SNRPA: variants seen among roughly 807,000 people sequenced by gnomAD.
The protein encoded by SNRPA is U1 small nuclear ribonucleoprotein A.
Under a neutral mutation model 24.5 loss-of-function variants are expected in SNRPA, and 10 were observed. The ratio of observed to expected loss-of-function variants is 0.41; its 90% CI spans 0.25 to 0.69. The LOEUF (loss-of-function observed/expected upper bound fraction) is 0.69, where lower values mean the gene tolerates loss of function less well. SNRPA is among the 30% of genes least tolerant of loss of function. The pLI, the probability that SNRPA is intolerant of heterozygous loss-of-function variation, is 0.33. For synonymous variants in SNRPA, 165 were observed against 148.4 expected, an observed-to-expected ratio of 1.11 and a Z score of -0.81; for missense variants, 283 against 394.7, an observed-to-expected ratio of 0.72 and a Z score of 2.40.
At position 40,765,304 on chromosome 19, in the gene SNRPA, T is replaced by C. The variant is rs1390974986; in HGVS notation, c.*137T>C. On this transcript the variant is annotated 3_prime_UTR_variant, in exon 6 of 6. Transcript: ENST00000243563. ...GTGAGTGAGTGGTCGCCACACAGCA[T>C]TGTACCCAGAGTCTGTCCCCAGACA... 6 of 477,474 alleles carry C rather than the reference T, an allele frequency of 1.3e-5. No individual in the cohort carries two copies. Among genetic ancestry groups the C allele is most frequent in the Non-Finnish European group, 2.2e-5 (6 of 276,330 alleles). The allele number at this position is 477,474 out of a possible 1,614,324, so 29.6% of individuals were successfully genotyped here.
chr19:40,755,706 G>C (rs541625358), intron 1 of SNRPA, among the ~76,000 whole-genome samples: 1 of 152,252 alleles, frequency 6.6e-6, no homozygotes, highest in South Asian at 2.1e-4. Context: ...ATAAGACATT[G>C]GTGCCCTTTG....
chr19:40,761,021 G>A (rs913176790), intron 3 of SNRPA, among the ~76,000 whole-genome samples: 3 of 151,558 alleles, frequency 2.0e-5, no homozygotes, highest in Non-Finnish European at 4.4e-5. Flanking sequence ...GAATGCAGTC[G>A]TGCAATCTCG....
Position 40,759,547 on chromosome 19 carries a change from C to T in SNRPA, c.363C>T (p.Thr121=), listed in dbSNP as rs890984650. The change falls in exon 3 of 6, where the codon ACC becomes ACT. Residue 121 remains threonine (T), a synonymous_variant. Coordinates refer to ENST00000243563, the MANE Select transcript of SNRPA (RefSeq NM_004596.5). Reference sequence around the variant, plus strand: ...CCAAGAGCCAGGAGACCCCGGCCACCAAGAAGGCTGTGCAAGGCGGGGGAG... The same window carrying T: ...CCAAGAGCCAGGAGACCCCGGCCACTAAGAAGGCTGTGCAAGGCGGGGGAG... The part of the protein sequence containing the change: ...RKPKSQETPA[T]KKAVQGGGAT... The T allele has an allele frequency of 2.5e-6, 4 of 1,614,050 alleles. No individual in the cohort carries two copies. In the South Asian group the frequency reaches 4.4e-5, roughly 18 times the overall value.
intron 3 of SNRPA, among the ~76,000 whole-genome samples, chr19:40,762,002 C>G (rs2082935046): frequency 6.6e-6 from 1 of 152,134 alleles, no homozygotes; most frequent in African/African-American, 2.4e-5. Context: ...CTCACACTTT[C>G]TCCAAGTTGG....
chr19:40,752,532 C>T (rs2082885342), intron 1 of SNRPA, among the ~76,000 whole-genome samples: 1 of 133,548 alleles, frequency 7.5e-6, no homozygotes, highest in Non-Finnish European at 1.5e-5. Flanking sequence ...CACTGAAACA[C>T]AGGAGTTCAA....
Position 40,757,998 on chromosome 19 carries a change from C to T in SNRPA, c.246+494C>T, listed in dbSNP as rs1229887299. On this transcript the variant is annotated intron_variant, in intron 2 of 5. Coordinates refer to ENST00000243563, the MANE Select transcript of SNRPA (RefSeq NM_004596.5). ...ATAAATTATTTTGAGACAGAATCTTCCTCTGTTGCCCAGGCTGGAGTGCAG... is the reference window on the plus strand; with the variant it reads ...ATAAATTATTTTGAGACAGAATCTTTCTCTGTTGCCCAGGCTGGAGTGCAG... Among the ~76,000 whole-genome samples the T allele has an allele frequency of 2.6e-5, 4 of 151,450 alleles. No homozygotes were observed. In the East Asian group the frequency reaches 7.8e-4, roughly 30 times the overall value.
intron 5 of SNRPA, among the ~76,000 whole-genome samples, chr19:40,764,137 G>A (rs1365575973): frequency 6.6e-6 from 1 of 152,126 alleles, no homozygotes; most frequent in Non-Finnish European, 1.5e-5. Flanking sequence ...ATGTGTAGAG[G>A]GGCTGTTCAC....
rs768214332 is a variant in SNRPA at position 40,763,071 on chromosome 19, G to C, written c.597G>C (p.Gln199His). 6.4e-7 allele frequency: 1 copy of C among 1,562,818 alleles called. No homozygotes were observed. Among genetic ancestry groups the C allele is most frequent in the South Asian group, 1.2e-5 (1 of 83,460 alleles). The change falls in exon 4 of 6, where the codon CAG (glutamine) becomes CAC (histidine). Residue 199 changes from glutamine (Q) to histidine (H), a missense_variant. Gln to His is a conservative substitution (Grantham distance 24). Around this residue, in one of 6 missense-constraint regions of SNRPA, gnomAD observed 167 missense variants for 174.3 expected, o/e 0.96. Coordinates refer to ENST00000243563, the MANE Select transcript of SNRPA (RefSeq NM_004596.5). ...TGCCAGGACAGATGCCCCCTGCCCA[G>C]CCTGTGAGTATCTAGTCCCACCCAC... The part of the protein sequence containing the change: ...QLMPGQMPPA[Q>H]PLSENPPNHI...
rs775733682 is a variant in SNRPA, at chr19:40,759,541, G to A, written c.357G>A (p.Pro119=). Residue 119 remains proline (P), a synonymous_variant, in exon 3 of 6, where the codon CCG becomes CCA. Transcript: ENST00000243563. ...EKRKPKSQET[P]ATKKAVQGGG... is the part of the protein sequence containing the mutation. Reference sequence around the variant, plus strand: ...GGAAGCCCAAGAGCCAGGAGACCCCGGCCACCAAGAAGGCTGTGCAAGGCG... The same window carrying A: ...GGAAGCCCAAGAGCCAGGAGACCCCAGCCACCAAGAAGGCTGTGCAAGGCG... 6.8e-6 allele frequency: 11 copies of A among 1,613,968 alleles called. No individual in the cohort carries two copies. The highest frequency in any genetic ancestry group is 3.3e-5 in the Admixed American group (2 of 59,990).
Position 40,765,236 on chromosome 19 carries a change from C to T in SNRPA, c.*69C>T, listed in dbSNP as rs2082949229. 6 of 1,209,036 alleles carry T rather than the reference C, an allele frequency of 5.0e-6. No individual in the cohort carries two copies. The highest frequency in any genetic ancestry group is 6.6e-6 in the Non-Finnish European group (6 of 910,678). The allele number at this position is 1,209,036 out of a possible 1,614,324, so 74.9% of individuals were successfully genotyped here. A position where few individuals can be genotyped will look rare whatever the true frequency, so the allele number is the denominator to read the frequency against. On this transcript the variant is annotated 3_prime_UTR_variant, in exon 6 of 6. Coordinates refer to ENST00000243563, the MANE Select transcript of SNRPA (RefSeq NM_004596.5). ...ACCCCTTTCCCCCTTGGCTCAGCCC[C>T]CTGAAGGTAAGTCCCCCCTTGGGGG...
intron 1 of SNRPA, among the ~76,000 whole-genome samples, chr19:40,756,269 T>TAA (rs113404478): frequency 0.062 from 8,833 of 142,144 alleles, 299 homozygotes; most frequent in East Asian, 0.17. Flanking sequence ...ATTCTGTCTT[T>TAA]AAAAAAAAAA....
Position 40,765,041 on chromosome 19 carries a change from C to T in SNRPA, c.723C>T (p.Pro241=), listed in dbSNP as rs776580160. Residue 241 remains proline (P), a synonymous_variant, in exon 6 of 6, where the codon CCC becomes CCT. Coordinates refer to ENST00000243563, the MANE Select transcript of SNRPA (RefSeq NM_004596.5). ...FPGFKEVRLV[P]GRHDIAFVEF... The stretch of plus-strand genomic sequence containing the variant: ...GCTTCAAGGAGGTCCGTCTGGTACC[C>T]GGGCGGCATGACATCGCCTTCGTGG... The T allele has an allele frequency of 1.3e-5, 20 of 1,587,770 alleles. No individual in the cohort carries two copies. In the Middle Eastern group the frequency reaches 5.0e-4, roughly 40 times the overall value.
chr19:40,758,172 G>A (rs2082916505), intron 2 of SNRPA, among the ~76,000 whole-genome samples: 1 of 151,726 alleles, frequency 6.6e-6, no homozygotes, highest in Non-Finnish European at 1.5e-5. Flanking sequence ...TCGCCATGTT[G>A]CCCAGGCTGG....
chr19:40,759,078 G>A (rs1019001027), intron 2 of SNRPA, among the ~76,000 whole-genome samples: 2 of 151,480 alleles, frequency 1.3e-5, no homozygotes, highest in African/African-American at 2.4e-5. Flanking sequence ...CGTGGTGGTG[G>A]GCGCCTGTAA....
chr19:40,753,190 A>G (rs559919462), intron 1 of SNRPA, among the ~76,000 whole-genome samples: 172 of 152,020 alleles, frequency 1.1e-3, no homozygotes, highest in African/African-American at 3.9e-3. Context: ...CCCCGTCTCT[A>G]CTGAAAATAC....
intron 1 of SNRPA, 129 bp from the exon 2 acceptor site, chr19:40,757,203 T>G: frequency 3.8e-6 from 3 of 783,970 alleles, no homozygotes; most frequent in Non-Finnish European, 6.1e-6. Context: ...GCTTCTGTGA[T>G]TGTTAGGTCT....
intron 1 of SNRPA, among the ~76,000 whole-genome samples, chr19:40,753,911 C>G (rs1182248860): frequency 1.3e-5 from 2 of 151,510 alleles, no homozygotes; most frequent in African/African-American, 4.9e-5. Flanking sequence ...ACGCCATTCT[C>G]CTGCCTCAGC....
At chr19:40,759,399 G>T in intron 2 of SNRPA, 32 bp from the exon 3 acceptor site, 1 of 1,554,240 alleles carries the variant, frequency 6.4e-7, no homozygotes, top group South Asian at 1.2e-5. Context: ...CTGAATCCAC[G>T]CTCTTAACCC....
At chr19:40,760,950 GTTTTGTTTTC>G (rs2082928854) in intron 3 of SNRPA, among the ~76,000 whole-genome samples, 1 of 151,728 alleles carries the variant, frequency 6.6e-6, no homozygotes, top group African/African-American at 2.4e-5. Flanking sequence ...TTTTTGTTTT[GTTTTGTTTTC>G]TTTTGTTTTT....
Sources: allele counts gnomAD v4.1 joint callset (sites outside exome capture counted in the v4.1 genomes callset), GRCh38; gene constraint gnomAD v4.1.1; regional missense constraint gnomAD v4.1.1; transcripts MANE v1.5; gene names NCBI Gene and HGNC (gene_info 2026-07-23, HGNC 2026-07-21).